The following NRG3 variants were observed in gnomAD, a reference collection of about 807,000 sequenced individuals.
NRG3 encodes the protein pro-neuregulin-3, membrane-bound isoform.
NRG3 carries 31 observed loss-of-function variants against 66.9 expected under a neutral mutation model. That is an observed-to-expected ratio of 0.46 (90% confidence interval 0.35 to 0.63). The LOEUF (loss-of-function observed/expected upper bound fraction) is 0.63, where lower values mean the gene tolerates loss of function less well. Ranked by LOEUF, NRG3 falls within the 20% of genes least tolerant of loss-of-function variation. The pLI, the probability that NRG3 is intolerant of heterozygous loss-of-function variation, is 0.00. For synonymous variants in NRG3, 393 were observed against 359.4 expected, an observed-to-expected ratio of 1.09 and a Z score of -1.06; for missense variants, 910 against 878.9, an observed-to-expected ratio of 1.04 and a Z score of -0.45.
intron 1 of NRG3, among the ~76,000 whole-genome samples, chr10:81,903,749 T>C (rs1302184509): frequency 3.9e-5 from 6 of 152,206 alleles, no homozygotes; most frequent in Non-Finnish European, 8.8e-5. Context: ...TTCAGGGCGA[T>C]GGTGCAGAGT....
At chr10:82,516,091 A>C (rs537299034) in intron 2 of NRG3, among the ~76,000 whole-genome samples, 13 of 151,686 alleles carry the variant, frequency 8.6e-5, no homozygotes, top group Admixed American at 6.6e-4. Context: ...AGCCTCTAAG[A>C]CTCTTTTGTA....
At chr10:82,058,944 T>C (rs1322870347) in intron 1 of NRG3, among the ~76,000 whole-genome samples, 1 of 152,180 alleles carries the variant, frequency 6.6e-6, no homozygotes, top group East Asian at 1.9e-4. Flanking sequence ...TTGAAGTCTG[T>C]ATTTCCAGTA....
In NRG3 at chr10:82,985,525, A is replaced by C; in HGVS notation, c.2011A>C (p.Ser671Arg). The change falls in exon 9 of 9, where the codon AGT (serine) becomes CGT (arginine). Residue 671 changes from serine to arginine, a missense_variant. Transcript: ENST00000372141. ...CGAAAACACAGCCTTTCTCCCCCTG[A>C]GTCCCACAGCCAAATCAGAACGAGA... ...ASENTAFLPLSPTAKSEREAQ... is the reference protein window; with the variant it reads ...ASENTAFLPLRPTAKSEREAQ... 6.2e-7 allele frequency: 1 copy of C among 1,614,108 alleles called. No homozygotes were observed. The highest frequency in any genetic ancestry group is 8.5e-7 in the Non-Finnish European group (1 of 1,180,016).
chr10:82,682,888 A>G (rs1036777277), intron 2 of NRG3, among the ~76,000 whole-genome samples: 2 of 151,810 alleles, frequency 1.3e-5, no homozygotes, highest in Non-Finnish European at 2.9e-5. Context: ...AAAATTTGAC[A>G]GATGTTTACC....
intron 3 of NRG3, among the ~76,000 whole-genome samples, chr10:82,865,004 A>T (rs549139432): frequency 6.6e-6 from 1 of 152,262 alleles, no homozygotes; most frequent in African/African-American, 2.4e-5. Flanking sequence ...TTTTATTTTT[A>T]TTATAGAGGT....
intron 3 of NRG3, among the ~76,000 whole-genome samples, chr10:82,794,613 G>A (rs2060719923): frequency 6.6e-6 from 1 of 152,142 alleles, no homozygotes; most frequent in Non-Finnish European, 1.5e-5. Flanking sequence ...TGTAGGCACT[G>A]CCATGCTGCT....
intron 1 of NRG3, among the ~76,000 whole-genome samples, chr10:82,013,069 C>T (rs969423231): frequency 1.3e-5 from 2 of 152,122 alleles, no homozygotes; most frequent in Admixed American, 6.6e-5. Flanking sequence ...AGTTTGTTCT[C>T]ATGCTACTAA....
intron 4 of NRG3, among the ~76,000 whole-genome samples, chr10:82,872,499 CAAA>C (rs1841429885): frequency 6.6e-6 from 1 of 152,026 alleles, no homozygotes; most frequent in Non-Finnish European, 1.5e-5. Context: ...TACAGTTTAA[CAAA>C]TTCCTGTTTT....
chr10:81,974,654 TG>T (rs2060051634), intron 1 of NRG3, among the ~76,000 whole-genome samples: 1 of 152,068 alleles, frequency 6.6e-6, no homozygotes, highest in Non-Finnish European at 1.5e-5. Context: ...CTTCATAGGA[TG>T]CATATTCACA....
At chr10:82,521,843 G>A (rs964723664) in intron 2 of NRG3, among the ~76,000 whole-genome samples, 3 of 152,044 alleles carry the variant, frequency 2.0e-5, no homozygotes, top group African/African-American at 4.8e-5. Context: ...ATTCTTTGTT[G>A]TCACTTCAAC....
chr10:82,286,162 A>G (rs1364266180), intron 1 of NRG3, among the ~76,000 whole-genome samples: 1 of 152,196 alleles, frequency 6.6e-6, no homozygotes, highest in Non-Finnish European at 1.5e-5. Context: ...GTAAGAGTCT[A>G]AGAAATTGTG....
At chr10:82,013,990 A>G (rs1336909901) in intron 1 of NRG3, among the ~76,000 whole-genome samples, 1 of 152,152 alleles carries the variant, frequency 6.6e-6, no homozygotes, top group Non-Finnish European at 1.5e-5. Context: ...GCACTTTCCT[A>G]TTTGCTGAGA....
intron 1 of NRG3, among the ~76,000 whole-genome samples, chr10:82,094,147 A>C (rs954647782): frequency 8.5e-5 from 13 of 152,204 alleles, no homozygotes; most frequent in Non-Finnish European, 8.8e-5. Context: ...TGGATATTAA[A>C]GAGGTGTAAT....
intron 4 of NRG3, among the ~76,000 whole-genome samples, chr10:82,941,732 A>G (rs559208118): frequency 3.2e-4 from 48 of 152,338 alleles, no homozygotes; most frequent in Admixed American, 9.2e-4. Context: ...GACTCATTTC[A>G]TAAATAGTGG....
chr10:82,755,371 C>T (rs2059035443), intron 3 of NRG3, among the ~76,000 whole-genome samples: 1 of 152,118 alleles, frequency 6.6e-6, no homozygotes, highest in Non-Finnish European at 1.5e-5. Flanking sequence ...CAATCAACCT[C>T]AAAAGGATCT....
intron 3 of NRG3, among the ~76,000 whole-genome samples, chr10:82,764,330 C>T (rs984455184): frequency 1.3e-5 from 2 of 151,934 alleles, no homozygotes; most frequent in Admixed American, 1.3e-4. Flanking sequence ...CCACCAGACC[C>T]GGCTTCACAT....
At chr10:82,590,405 C>A (rs187863357) in intron 2 of NRG3, among the ~76,000 whole-genome samples, 42 of 152,110 alleles carry the variant, frequency 2.8e-4, no homozygotes, top group Admixed American at 2.5e-3. Context: ...GCTAAGAAGG[C>A]CCCTAGGTGG....
intron 1 of NRG3, among the ~76,000 whole-genome samples, chr10:81,931,944 G>A (rs1293519084): frequency 6.6e-6 from 1 of 152,134 alleles, no homozygotes; most frequent in Non-Finnish European, 1.5e-5. Context: ...TTCAGGATAA[G>A]GCACGTGTAT....
intron 3 of NRG3, among the ~76,000 whole-genome samples, chr10:82,834,746 T>C (rs561268224): frequency 1.2e-4 from 18 of 152,136 alleles, no homozygotes; most frequent in African/African-American, 3.9e-4. Flanking sequence ...CCACTTAGGG[T>C]GAGTTGGTTG....
Sources: gnomAD v4.1 joint callset for allele counts (sites outside exome capture counted in the v4.1 genomes callset) on GRCh38, gnomAD v4.1.1 for gene constraint, MANE v1.5 for transcripts, NCBI Gene and HGNC (gene_info 2026-07-23, HGNC 2026-07-21) for gene names.